The following PCDHGA4 variants were observed in gnomAD, a reference collection of about 807,000 sequenced individuals.
PCDHGA4 encodes the protein protocadherin gamma subfamily A, 4, also known as protocadherin gamma-A4.
A neutral mutation model predicts 54.6 loss-of-function variants in PCDHGA4; 38 were observed. That is an observed-to-expected ratio of 0.70 (90% CI 0.54 to 0.91). PCDHGA4 has a LOEUF of 0.91. PCDHGA4 is among the 40% of genes least tolerant of loss of function. PCDHGA4 has a pLI of 0.00. For synonymous variants in PCDHGA4, 511 were observed against 512.9 expected (o/e 1.00, Z 0.05); for missense variants, 1,298 against 1,220.9 (o/e 1.06, Z -0.94).
intron 1 of PCDHGA4, chr5:141,420,931 AATC>A: frequency 2.7e-6 from 1 of 369,128 alleles, no homozygotes; most frequent in African/African-American, 2.1e-5. Context: ...AGGTGAGCGT[AATC>A]ATTTCTTCTG....
At chr5:141,448,021 G>A (rs1376525971) in intron 1 of PCDHGA4, among the ~76,000 whole-genome samples, 2 of 152,050 alleles carry the variant, frequency 1.3e-5, no homozygotes, top group African/African-American at 4.8e-5. Context: ...AGGAGGTGGA[G>A]GTTGCAGTGA....
chr5:141,409,213 C>T (rs1379007048), intron 1 of PCDHGA4: 1 of 1,613,994 alleles, frequency 6.2e-7, no homozygotes, highest in Admixed American at 1.7e-5. Context: ...TCATAGAAAT[C>T]CTTGATGAAA....
intron 1 of PCDHGA4, among the ~76,000 whole-genome samples, chr5:141,462,538 C>G (rs565849689): frequency 1.3e-5 from 2 of 152,102 alleles, no homozygotes; most frequent in South Asian, 2.1e-4. Context: ...GTTCAGTGAT[C>G]TTTTCTTCTT....
At chr5:141,420,494 C>T (rs978136090) in intron 1 of PCDHGA4, 6 of 499,392 alleles carry the variant, frequency 1.2e-5, no homozygotes, top group African/African-American at 2.0e-5. Flanking sequence ...GGGTAATCTC[C>T]GGTGACATTT....
At position 141,476,193 on chromosome 5, in the gene PCDHGA4, T is replaced by C. The variant is rs1224461188; in HGVS notation, c.2515-18614T>C. On this transcript the variant is annotated intron_variant, in intron 1 of 3. Coordinates refer to ENST00000571252, the MANE Select transcript of PCDHGA4 (RefSeq NM_018917.4). The surrounding 1 kb of genome is among the most constrained non-coding windows in gnomAD (Gnocchi z 7.6). The stretch of plus-strand genomic sequence containing the variant: ...GGAGTTTTGCTTCTGCTTGGTGCCT[T>C]GAACAAGGCTTCCACGGTCATTCAC... The C allele has an allele frequency of 6.2e-7, 1 of 1,613,812 alleles. No homozygotes were observed. Among genetic ancestry groups the C allele is most frequent in the South Asian group, 1.1e-5 (1 of 91,068 alleles).
Position 141,360,020 on chromosome 5 carries a change from G to T in PCDHGA4, c.2514+2399G>T. The T allele has an allele frequency of 4.6e-6, 6 of 1,294,416 alleles. No individual in the cohort carries two copies. The South Asian group carries it at 9.7e-5, about 21-fold the overall frequency. 80.2% of individuals were successfully genotyped at this position (1,294,416 alleles called of 1,614,324 possible). On this transcript the variant is annotated intron_variant, in intron 1 of 3. Transcript: ENST00000571252. ...TGCACAAACCAACCACACAGAGAAGGCCAGTATAGATTCGGAAACAGAAAA... is the reference window on the plus strand; with the variant it reads ...TGCACAAACCAACCACACAGAGAAGTCCAGTATAGATTCGGAAACAGAAAA...
intron 1 of PCDHGA4, among the ~76,000 whole-genome samples, chr5:141,453,176 C>T (rs1225418058): frequency 6.6e-6 from 1 of 152,042 alleles, no homozygotes; most frequent in Non-Finnish European, 1.5e-5. Flanking sequence ...TCCAGTGGTA[C>T]AATCACAGCT....
Position 141,404,868 on chromosome 5 carries a change from A to G in PCDHGA4, c.2514+47247A>G, listed in dbSNP as rs375122600. On this transcript the variant is annotated intron_variant, in intron 1 of 3. Coordinates refer to ENST00000571252, the MANE Select transcript of PCDHGA4 (RefSeq NM_018917.4). Reference sequence around the variant, plus strand: ...GCCCTGCTAGATAGAGATGCGCTCAAACAGAGCCTTGTGGTGGCTGTACAG... The same window carrying G: ...GCCCTGCTAGATAGAGATGCGCTCAGACAGAGCCTTGTGGTGGCTGTACAG... 5.1e-5 allele frequency: 83 copies of G among 1,613,770 alleles called. 1 individual carries two copies. The highest frequency in any genetic ancestry group is 6.9e-5 in the Non-Finnish European group (81 of 1,179,896).
intron 1 of PCDHGA4, chr5:141,409,550 C>T (rs764101999): frequency 1.9e-6 from 3 of 1,613,992 alleles, no homozygotes; most frequent in African/African-American, 2.7e-5. Context: ...CGACAACGCC[C>T]CAGTTTTCGA....
intron 1 of PCDHGA4, among the ~76,000 whole-genome samples, chr5:141,463,762 T>C (rs113547206): frequency 2.0e-5 from 3 of 152,214 alleles, no homozygotes; most frequent in African/African-American, 4.8e-5. Flanking sequence ...TCTTCTCTTA[T>C]GGGTTAGAAT....
At chr5:141,414,457 G>C in intron 1 of PCDHGA4, 2 of 1,613,872 alleles carry the variant, frequency 1.2e-6, no homozygotes, top group Non-Finnish European at 1.7e-6. Flanking sequence ...CACAGTGACA[G>C]CCACAGATGG....
rs181495329 is a variant in PCDHGA4, at chr5:141,489,120, G to A, written c.2515-5687G>A. ...AACTGCTGCAAGCAGGCAAACCTCC[G>A]AGCAGTTTTTAAGAGGCTGGAAGGA... is the stretch of plus-strand genomic sequence containing the variant. On this transcript the variant is annotated intron_variant, in intron 1 of 3. Coordinates refer to ENST00000571252, the MANE Select transcript of PCDHGA4 (RefSeq NM_018917.4). This position sits in a 1 kb window ranked among gnomAD's most constrained non-coding sequence, Gnocchi z 4.5. 1.8e-5 allele frequency: 8 copies of A among 445,672 alleles called. No homozygotes were observed. The East Asian group carries it at 1.9e-4, about 11-fold the overall frequency. The allele number at this position is 445,672 out of a possible 1,614,324, so 27.6% of individuals were successfully genotyped here.
At position 141,356,500 on chromosome 5, in the gene PCDHGA4, A is replaced by G; in HGVS notation, c.1393A>G (p.Thr465Ala). The change falls in exon 1 of 4, where the codon ACA (threonine) becomes GCA (alanine). Residue 465 changes from threonine to alanine, a missense_variant. Physicochemically the swap from Thr to Ala is moderately conservative, Grantham distance 58. Transcript: ENST00000571252. ...TGACCAGGGAACTCCTCCACTGTCT[A>G]CAGAAACTCATATTTCACTGCAAGT... ...ATDQGTPPLSTETHISLQVMD... is the reference protein window; with the variant it reads ...ATDQGTPPLSAETHISLQVMD... The G allele has an allele frequency of 6.2e-7, 1 of 1,614,012 alleles. No individual in the cohort carries two copies. The highest frequency in any genetic ancestry group is 1.7e-5 in the Admixed American group (1 of 60,030).
rs776677714 is a variant in PCDHGA4 at position 141,419,329 on chromosome 5, T to C, written c.2514+61708T>C. The C allele has an allele frequency of 7.4e-6, 12 of 1,613,842 alleles. 2 individuals carry two copies. The South Asian group carries it at 1.3e-4, about 18-fold the overall frequency. On this transcript the variant is annotated intron_variant, in intron 1 of 3. Coordinates refer to ENST00000571252, the MANE Select transcript of PCDHGA4 (RefSeq NM_018917.4). The stretch of plus-strand genomic sequence containing the variant: ...GGCTCAACGGCCGTGTCTCCTACTC[T>C]CTCATTGCCAGCGACCTGGAGTCAC...
At chr5:141,372,161 C>A in intron 1 of PCDHGA4, 1 of 1,613,776 alleles carries the variant, frequency 6.2e-7, no homozygotes, top group Non-Finnish European at 8.5e-7. Flanking sequence ...ACCTGGTGAC[C>A]AAGGTGGTGG....
At chr5:141,410,849 CT>C (rs759346998) in intron 1 of PCDHGA4, 9,989 of 137,410 alleles carry the variant, frequency 0.073, 1 homozygote, top group South Asian at 0.15. Context: ...TTGTCTTTGT[CT>C]TTTTTTTTTT....
In PCDHGA4 at chr5:141,404,750, C is replaced by G. The variant is rs1321458841; in HGVS notation, c.2514+47129C>G. The stretch of plus-strand genomic sequence containing the variant: ...GGTGGCAGTGGACAGAGACTCAGGC[C>G]AGAATGCTTGGCTCTCCTACCGCCT... On this transcript the variant is annotated intron_variant, in intron 1 of 3. Coordinates refer to ENST00000571252, the MANE Select transcript of PCDHGA4 (RefSeq NM_018917.4). 10 of 1,613,702 alleles carry G rather than the reference C, an allele frequency of 6.2e-6. No homozygotes were observed. In the African/African-American group the frequency reaches 1.3e-4, roughly 22 times the overall value.
At position 141,489,437 on chromosome 5, in the gene PCDHGA4, T is replaced by C; in HGVS notation, c.2515-5370T>C. The C allele has an allele frequency of 6.2e-7, 1 of 1,614,110 alleles. No individual in the cohort carries two copies. Among genetic ancestry groups the C allele is most frequent in the Non-Finnish European group, 8.5e-7 (1 of 1,180,020 alleles). ...GATCTGTTGAGCCGGCGGCTGCAATTGGGCTCTGAGGAGAATGGGCGCTAT... is the reference window on the plus strand; with the variant it reads ...GATCTGTTGAGCCGGCGGCTGCAATCGGGCTCTGAGGAGAATGGGCGCTAT... On this transcript the variant is annotated intron_variant, in intron 1 of 3. Transcript: ENST00000571252. This position sits in a 1 kb window ranked among gnomAD's most constrained non-coding sequence, Gnocchi z 4.5.
chr5:141,477,042 G>A lies in PCDHGA4; in HGVS notation c.2515-17765G>A. ...ACCGGGATGCTGACAATCAAGGGTC[G>A]GCTGGACTTCGAGGACACCAAACTC... On this transcript the variant is annotated intron_variant, in intron 1 of 3. Transcript: ENST00000571252. This position sits in a 1 kb window ranked among gnomAD's most constrained non-coding sequence, Gnocchi z 4.9. 1 of 1,614,238 alleles carries A rather than the reference G, an allele frequency of 6.2e-7. No homozygotes were observed. Among genetic ancestry groups the A allele is most frequent in the Non-Finnish European group, 8.5e-7 (1 of 1,180,040 alleles).
Sources: allele counts gnomAD v4.1 joint callset (sites outside exome capture counted in the v4.1 genomes callset), GRCh38; gene constraint gnomAD v4.1.1; non-coding constraint Gnocchi (gnomAD v3.1); transcripts MANE v1.5; gene names NCBI Gene and HGNC (gene_info 2026-07-23, HGNC 2026-07-21).